The following WWOX variants were observed in gnomAD, a reference collection of about 807,000 sequenced individuals.
The protein encoded by WWOX is WW domain containing oxidoreductase.
Under a neutral mutation model 46.2 loss-of-function variants are expected in WWOX, and 69 were observed. The ratio of observed to expected loss-of-function variants is 1.49; its 90% CI spans 1.23 to 1.82. The LOEUF is 1.82. Ranked by LOEUF, WWOX falls within the 40% of genes most tolerant of loss-of-function variation. The probability of loss-of-function intolerance (pLI) is 0.00; values close to 1 mark genes in which losing one functional copy is unlikely to be tolerated. For missense variants in WWOX, 919 were observed against 542.6 expected, an observed-to-expected ratio of 1.69 and a Z score of -6.89; for synonymous variants, 359 against 202.6, an observed-to-expected ratio of 1.77 and a Z score of -6.56.
At chr16:78,286,360 C>G (rs139076180) in intron 5 of WWOX, among the ~76,000 whole-genome samples, 39 of 152,238 alleles carry the variant, frequency 2.6e-4, no homozygotes, top group African/African-American at 8.4e-4. Context: ...TATTGCAGCC[C>G]CAGATGAGGT....
At chr16:79,095,862 T>A (rs113480289) in intron 8 of WWOX, among the ~76,000 whole-genome samples, 1 of 81,176 alleles carries the variant, frequency 1.2e-5, no homozygotes, top group Admixed American at 1.1e-4. Flanking sequence ...CTCTCTCTCT[T>A]TTTTTTTTTT....
At chr16:78,472,547 G>A (rs1458963857) in intron 8 of WWOX, among the ~76,000 whole-genome samples, 1 of 152,042 alleles carries the variant, frequency 6.6e-6, no homozygotes, top group Non-Finnish European at 1.5e-5. Flanking sequence ...AGTGGCTCAC[G>A]CCTGTAATCC....
At chr16:78,679,071 C>A (rs1262215023) in intron 8 of WWOX, among the ~76,000 whole-genome samples, 1 of 152,166 alleles carries the variant, frequency 6.6e-6, no homozygotes, top group Non-Finnish European at 1.5e-5. Flanking sequence ...TCAAGGATGC[C>A]ATTTGGTGAA....
chr16:78,522,747 A>T (rs1345280135), intron 8 of WWOX, among the ~76,000 whole-genome samples: 1 of 152,218 alleles, frequency 6.6e-6, no homozygotes, highest in Non-Finnish European at 1.5e-5. Context: ...TTGGGATGAT[A>T]AAGTCAAGTC....
intron 8 of WWOX, among the ~76,000 whole-genome samples, chr16:78,926,734 T>C (rs74746939): frequency 1.3e-5 from 2 of 152,176 alleles, no homozygotes; most frequent in Non-Finnish European, 2.9e-5. Context: ...GAAAAGTCTT[T>C]CTACATTTCT....
chr16:78,342,516 C>T (rs73576484), intron 5 of WWOX, among the ~76,000 whole-genome samples: 1 of 119,914 alleles, frequency 8.3e-6, no homozygotes, highest in African/African-American at 2.8e-5. Context: ...GAGAGTGAGT[C>T]CCTGGCCCCT....
intron 5 of WWOX, among the ~76,000 whole-genome samples, chr16:78,206,227 T>G (rs1404030271): frequency 6.6e-6 from 1 of 152,152 alleles, no homozygotes; most frequent in Admixed American, 6.6e-5. Flanking sequence ...AAGTTATTGG[T>G]GGTGGAATAT....
intron 8 of WWOX, among the ~76,000 whole-genome samples, chr16:78,689,757 A>C (rs1262413481): frequency 6.6e-6 from 1 of 152,084 alleles, no homozygotes; most frequent in Non-Finnish European, 1.5e-5. Context: ...GTTGAGCCCT[A>C]TCTCTCTCCC....
intron 8 of WWOX, among the ~76,000 whole-genome samples, chr16:78,453,394 G>T (rs374802422): frequency 6.6e-6 from 1 of 151,172 alleles, no homozygotes; most frequent in Admixed American, 6.6e-5. Context: ...CAGCACTTCA[G>T]CCTGGGCGCA....
intron 8 of WWOX, among the ~76,000 whole-genome samples, chr16:78,508,220 G>A (rs1450081323): frequency 1.3e-5 from 2 of 151,396 alleles, no homozygotes; most frequent in Non-Finnish European, 2.9e-5. Flanking sequence ...CATGTTGGCC[G>A]GGCTGGTCTT....
intron 8 of WWOX, among the ~76,000 whole-genome samples, chr16:79,083,653 C>T (rs549132427): frequency 5.9e-4 from 90 of 152,150 alleles, no homozygotes; most frequent in Non-Finnish European, 1.0e-3. Context: ...CGAAGGAAAA[C>T]AAAGACAATT....
chr16:78,901,775 C>T (rs1217508028), intron 8 of WWOX, among the ~76,000 whole-genome samples: 2 of 152,252 alleles, frequency 1.3e-5, no homozygotes, highest in African/African-American at 4.8e-5. Context: ...AGGCGTGAGC[C>T]ACTGCGCCTA....
chr16:78,910,307 C>T (rs1449156799), intron 8 of WWOX, among the ~76,000 whole-genome samples: 2 of 150,602 alleles, frequency 1.3e-5, no homozygotes, highest in East Asian at 1.9e-4. Context: ...AAAATGGATC[C>T]TCCATCTTCC....
intron 8 of WWOX, among the ~76,000 whole-genome samples, chr16:78,672,790 G>C (rs1404340120): frequency 6.6e-6 from 1 of 152,204 alleles, no homozygotes; most frequent in Non-Finnish European, 1.5e-5. Flanking sequence ...GACAGCTCTT[G>C]AGTTTCCAAT....
chr16:78,579,801 A>T (rs1413974321), intron 8 of WWOX, among the ~76,000 whole-genome samples: 1 of 152,222 alleles, frequency 6.6e-6, no homozygotes, highest in Non-Finnish European at 1.5e-5. Context: ...TAAATCTCCT[A>T]CGGTGATACC....
chr16:78,505,947 C>T (rs532626245), intron 8 of WWOX, among the ~76,000 whole-genome samples: 59 of 152,308 alleles, frequency 3.9e-4, no homozygotes, highest in Admixed American at 1.1e-3. Context: ...CTCTGCAAAC[C>T]GCATTTCCTT....
intron 8 of WWOX, among the ~76,000 whole-genome samples, chr16:78,915,865 A>T (rs939549710): frequency 6.6e-6 from 1 of 152,238 alleles, no homozygotes; most frequent in Admixed American, 6.5e-5. Flanking sequence ...TAACAGGAAG[A>T]ACGCTCAAAG....
intron 8 of WWOX, among the ~76,000 whole-genome samples, chr16:78,688,857 A>C (rs966875869): frequency 6.6e-6 from 1 of 152,134 alleles, no homozygotes; most frequent in Non-Finnish European, 1.5e-5. Context: ...AGTTACCCCC[A>C]TGATGTTTTC....
At chr16:78,230,846 A>G (rs2037239369) in intron 5 of WWOX, among the ~76,000 whole-genome samples, 2 of 152,266 alleles carry the variant, frequency 1.3e-5, no homozygotes, top group Admixed American at 1.3e-4. Context: ...AATGGTATAT[A>G]TTTTCCACAC....
Sources: allele counts gnomAD v4.1 joint callset (sites outside exome capture counted in the v4.1 genomes callset), GRCh38; gene constraint gnomAD v4.1.1; transcripts MANE v1.5; gene names NCBI Gene and HGNC (gene_info 2026-07-23, HGNC 2026-07-21).